Variants in SOCS6 observed in about 807,000 individuals in gnomAD.
SOCS6 encodes the protein STAT induced STAT inhibitor-4.
A neutral mutation model predicts 27.7 loss-of-function variants in SOCS6; 5 were observed. The ratio of observed to expected loss-of-function variants is 0.18; its 90% CI spans 0.09 to 0.38. The LOEUF (loss-of-function observed/expected upper bound fraction) is 0.38, where lower values mean the gene tolerates loss of function less well. SOCS6 is among the 10% of genes least tolerant of loss of function. The probability of loss-of-function intolerance (pLI) is 1.00; values close to 1 mark genes in which losing one functional copy is unlikely to be tolerated. For synonymous variants in SOCS6, 271 were observed against 260.0 expected (o/e 1.04, Z -0.41); for missense variants, 595 against 688.1 (o/e 0.86, Z 1.51).
At chr18:70,292,093 T>G (rs2062302129) in intron 1 of SOCS6, among the ~76,000 whole-genome samples, 1 of 152,216 alleles carries the variant, frequency 6.6e-6, no homozygotes, top group Non-Finnish European at 1.5e-5. Context: ...ACCTTACATT[T>G]TACTTCGTTG....
rs987592348 is a variant in SOCS6 at position 70,303,331 on chromosome 18, A to G, written c.-127+14241A>G. Among the ~76,000 whole-genome samples, 84 of 152,354 alleles carry G rather than the reference A, an allele frequency of 5.5e-4. 1 individual carries two copies. The highest frequency in any genetic ancestry group is 2.0e-3 in the African/African-American group (83 of 41,572). ...ATTTTCTTTACTCATACTGTTGGAA[A>G]TTAGGATGTTTCCAATTTTTTTAAT... On this transcript the variant is annotated intron_variant, in intron 1 of 1. Coordinates refer to ENST00000397942, the MANE Select transcript of SOCS6 (RefSeq NM_004232.4).
intron 1 of SOCS6, among the ~76,000 whole-genome samples, chr18:70,303,969 T>A (rs1024258358): frequency 4.6e-5 from 7 of 152,248 alleles, no homozygotes; most frequent in African/African-American, 1.7e-4. Context: ...ATTGGTTGTA[T>A]GTGTGGAAAA....
At chr18:70,323,806 C>T (rs1911074545) in intron 1 of SOCS6, among the ~76,000 whole-genome samples, 1 of 152,160 alleles carries the variant, frequency 6.6e-6, no homozygotes, top group African/African-American at 2.4e-5. Context: ...TATTGCAGTT[C>T]TATGGAACGC....
intron 1 of SOCS6, among the ~76,000 whole-genome samples, chr18:70,310,430 C>T (rs1600158707): frequency 2.0e-5 from 3 of 147,498 alleles, no homozygotes; most frequent in Admixed American, 6.8e-5. Flanking sequence ...TATAGGTATT[C>T]GTCACCATGC....
chr18:70,322,641 A>G (rs1381460629), intron 1 of SOCS6, among the ~76,000 whole-genome samples: 1 of 152,202 alleles, frequency 6.6e-6, no homozygotes. Flanking sequence ...CACTGAGTTC[A>G]CCTAATATAC....
chr18:70,295,534 T>A (rs1326013868), intron 1 of SOCS6, among the ~76,000 whole-genome samples: 6 of 152,256 alleles, frequency 3.9e-5, no homozygotes, highest in Non-Finnish European at 7.3e-5. Context: ...TGGTTTTCAG[T>A]AATGTATTAC....
Position 70,328,336 on chromosome 18 carries a change from G to A in SOCS6, c.*2060G>A, listed in dbSNP as rs758903364. The stretch of plus-strand genomic sequence containing the variant: ...TAATAAATGTTGAAATGGCTTCTCC[G>A]TGTCTCCAGAAGCATTTACATGTCC... On this transcript the variant is annotated 3_prime_UTR_variant, in exon 2 of 2. Transcript: ENST00000397942. 2.4e-5 allele frequency: 4 copies of A among 166,786 alleles called. No homozygotes were observed. The highest frequency in any genetic ancestry group is 4.4e-5 in the Non-Finnish European group (3 of 68,104). 10.3% of individuals were successfully genotyped at this position (166,786 alleles called of 1,614,324 possible). A position where few individuals can be genotyped will look rare whatever the true frequency, so the allele number is the denominator to read the frequency against.
chr18:70,310,677 T>C lies in SOCS6; in HGVS notation c.-126-13866T>C, dbSNP rs150817443. Reference sequence around the variant, plus strand: ...TACTGCTTTTATCCCCATTTTCACATGAGGAGACTGAGACATGGATGTCCA... The same window carrying C: ...TACTGCTTTTATCCCCATTTTCACACGAGGAGACTGAGACATGGATGTCCA... On this transcript the variant is annotated intron_variant, in intron 1 of 1. Transcript: ENST00000397942. Among the ~76,000 whole-genome samples the C allele has an allele frequency of 2.9e-3, 445 of 152,128 alleles. 2 individuals carry two copies. The highest frequency in any genetic ancestry group is 0.01 in the African/African-American group (422 of 41,492).
At chr18:70,307,821 C>T (rs1478167651) in intron 1 of SOCS6, among the ~76,000 whole-genome samples, 2 of 151,956 alleles carry the variant, frequency 1.3e-5, no homozygotes, top group Non-Finnish European at 2.9e-5. Context: ...TTTTTTCCCT[C>T]TTGTTTTTCT....
rs113395184 is a variant in SOCS6, at chr18:70,319,979, A to C, written c.-126-4564A>C. Among the ~76,000 whole-genome samples, 1,178 of 152,008 alleles carry C rather than the reference A, an allele frequency of 7.7e-3. 13 individuals carry two copies. The highest frequency in any genetic ancestry group is 0.027 in the African/African-American group (1,096 of 41,332). On this transcript the variant is annotated intron_variant, in intron 1 of 1. Transcript: ENST00000397942. ...AAAAACAAATGACAGTATTATTGCC[A>C]GTGATAAAATTCAAAGTTTCTTTTT...
intron 1 of SOCS6, among the ~76,000 whole-genome samples, chr18:70,299,437 AG>A (rs2062338451): frequency 6.6e-6 from 1 of 152,118 alleles, no homozygotes; most frequent in Non-Finnish European, 1.5e-5. Context: ...GTGCCCTCCT[AG>A]GGTGGCCTCC....
At chr18:70,323,143 G>A (rs1317436961) in intron 1 of SOCS6, among the ~76,000 whole-genome samples, 2 of 152,190 alleles carry the variant, frequency 1.3e-5, no homozygotes, top group Non-Finnish European at 2.9e-5. Context: ...AAGAAACTGA[G>A]TGGCGCTAAA....
In SOCS6 at chr18:70,324,832, A is replaced by C. The variant is rs147815869; in HGVS notation, c.164A>C (p.Asp55Ala). 4.2e-5 allele frequency: 68 copies of C among 1,614,220 alleles called. No individual in the cohort carries two copies. The African/African-American group carries it at 7.5e-4, about 18-fold the overall frequency. The stretch of plus-strand genomic sequence containing the variant: ...TATGGTAAAGATATGGCCAGCTGCG[A>C]TATCAACGGTGAAGATGAAAAAGGC... ...SCYGKDMASC[D>A]INGEDEKGGK... The change falls in exon 2 of 2, where the codon GAT (aspartate) becomes GCT (alanine). Residue 55 changes from aspartate to alanine, a missense_variant. By Grantham distance (126) the Asp-to-Ala change is moderately radical. This residue lies in a region of SOCS6 where 467 missense variants were observed against 481.1 expected (regional missense o/e 0.97). Transcript: ENST00000397942.
At chr18:70,319,608 T>TAAAAAAAAAAAAAAAAAAAAAA (rs34494275) in intron 1 of SOCS6, among the ~76,000 whole-genome samples, 2 of 126,350 alleles carry the variant, frequency 1.6e-5, no homozygotes, top group African/African-American at 2.9e-5. Context: ...AGCACTTCAG[T>TAAAAAAAAAAAAAAAAAAAAAA]AAAAAAAAAA....
rs567016958 is a variant in SOCS6, at chr18:70,325,839, C to A, written c.1171C>A (p.Arg391Ser). The stretch of plus-strand genomic sequence containing the variant: ...AGGATGGTACTGGGGACCAATCACA[C>A]GTTGGGAGGCAGAAGGGAAGCTAGC... ...KQGWYWGPIT[R>S]WEAEGKLANV... Residue 391 changes from arginine (R) to serine (S), a missense_variant, in exon 2 of 2, where the codon CGT (arginine) becomes AGT (serine). This residue lies in a region of SOCS6 where 128 missense variants were observed against 207.0 expected (regional missense o/e 0.62). Coordinates refer to ENST00000397942, the MANE Select transcript of SOCS6 (RefSeq NM_004232.4). The surrounding 1 kb of genome is among the most constrained non-coding windows in gnomAD (Gnocchi z 6.3). 6.2e-7 allele frequency: 1 copy of A among 1,614,216 alleles called. No homozygotes were observed. Among genetic ancestry groups the A allele is most frequent in the Non-Finnish European group, 8.5e-7 (1 of 1,180,024 alleles).
chr18:70,320,429 T>C (rs1213144507), intron 1 of SOCS6, among the ~76,000 whole-genome samples: 1 of 152,190 alleles, frequency 6.6e-6, no homozygotes, highest in East Asian at 1.9e-4. Context: ...AAATAAAATA[T>C]ATTGTTCCTT....
Position 70,325,572 on chromosome 18 carries a change from G to A in SOCS6, c.904G>A (p.Ala302Thr). 5 of 1,614,182 alleles carry A rather than the reference G, an allele frequency of 3.1e-6. No homozygotes were observed. The highest frequency in any genetic ancestry group is 4.2e-6 in the Non-Finnish European group (5 of 1,180,032). ...TTGVMLQSPR[A>T]GHDDVPPLSP... ...GGGAGTCATGTTGCAGAGCCCGAGAGCGGGTCACGATGATGTCCCTCCACT... is the reference window on the plus strand; with the variant it reads ...GGGAGTCATGTTGCAGAGCCCGAGAACGGGTCACGATGATGTCCCTCCACT... The change falls in exon 2 of 2, where the codon GCG (alanine) becomes ACG (threonine). Residue 302 changes from alanine (A) to threonine (T), a missense_variant. This residue lies in a region of SOCS6 where 467 missense variants were observed against 481.1 expected (regional missense o/e 0.97). Transcript: ENST00000397942. This position sits in a 1 kb window ranked among gnomAD's most constrained non-coding sequence, Gnocchi z 6.3.
At chr18:70,306,688 C>T (rs1212412776) in intron 1 of SOCS6, among the ~76,000 whole-genome samples, 2 of 152,042 alleles carry the variant, frequency 1.3e-5, no homozygotes, top group Admixed American at 1.3e-4. Flanking sequence ...TTCAGCCCTT[C>T]AGCATTAAGT....
At position 70,326,360 on chromosome 18, in the gene SOCS6, A is replaced by C. The variant is rs1299804730; in HGVS notation, c.*84A>C. ...TTTACAAACTTTCATTGCCATCAAAATCTTTTGCTGCCATAACTATTTCAG... is the reference window on the plus strand; with the variant it reads ...TTTACAAACTTTCATTGCCATCAAACTCTTTTGCTGCCATAACTATTTCAG... On this transcript the variant is annotated 3_prime_UTR_variant, in exon 2 of 2. Transcript: ENST00000397942. 8.4e-6 allele frequency: 10 copies of C among 1,184,196 alleles called. No individual in the cohort carries two copies. The highest frequency in any genetic ancestry group is 1.5e-5 in the African/African-American group (1 of 64,666). 73.4% of individuals were successfully genotyped at this position (1,184,196 alleles called of 1,614,324 possible). A position where few individuals can be genotyped will look rare whatever the true frequency, so the allele number is the denominator to read the frequency against.
Sources: gnomAD v4.1 joint callset for allele counts (sites outside exome capture counted in the v4.1 genomes callset) on GRCh38, gnomAD v4.1.1 for gene constraint, gnomAD v4.1.1 regional missense constraint, Gnocchi (gnomAD v3.1) non-coding constraint, MANE v1.5 for transcripts, NCBI Gene and HGNC (gene_info 2026-07-23, HGNC 2026-07-21) for gene names.